The following CUX1 variants were observed in gnomAD, a reference collection of about 807,000 sequenced individuals.
CUX1 encodes the protein protein CASP.
CUX1 carries 31 observed loss-of-function variants against 158.8 expected under a neutral mutation model. The ratio of observed to expected loss-of-function variants is 0.20; its 90% CI spans 0.15 to 0.26. The LOEUF is 0.26. Among genes scored for constraint, CUX1 ranks in the 10% least tolerant of loss-of-function variants. CUX1 has a pLI of 1.00. For missense variants in CUX1, 1,589 were observed against 2,014.6 expected, an observed-to-expected ratio of 0.79 and a Z score of 4.04; for synonymous variants, 879 against 862.1, an observed-to-expected ratio of 1.02 and a Z score of -0.34.
chr7:101,834,770 G>A (rs1584700124), intron 1 of CUX1, among the ~76,000 whole-genome samples: 1 of 151,958 alleles, frequency 6.6e-6, no homozygotes, highest in Non-Finnish European at 1.5e-5. Flanking sequence ...ATGCTGAAGC[G>A]GGCAGACCAC....
chr7:102,088,314 A>G (rs544435886), intron 4 of CUX1, among the ~76,000 whole-genome samples: 12 of 152,234 alleles, frequency 7.9e-5, no homozygotes, highest in Admixed American at 2.0e-4. Context: ...ATTTTTAAAG[A>G]GTATTTTTTG....
chr7:102,092,463 G>A (rs1335494917), intron 4 of CUX1, among the ~76,000 whole-genome samples: 2 of 152,216 alleles, frequency 1.3e-5, no homozygotes, highest in African/African-American at 4.8e-5. Flanking sequence ...CACTCCCTGT[G>A]CCTCTCCTCT....
At chr7:102,016,582 A>C (rs1024080203) in intron 2 of CUX1, among the ~76,000 whole-genome samples, 2 of 152,254 alleles carry the variant, frequency 1.3e-5, no homozygotes, top group Admixed American at 6.5e-5. Flanking sequence ...CCTGCACTCC[A>C]GCCTGGACGA....
intron 2 of CUX1, among the ~76,000 whole-genome samples, chr7:101,926,089 G>A (rs1206328460): frequency 1.3e-5 from 2 of 152,172 alleles, no homozygotes; most frequent in African/African-American, 4.8e-5. Flanking sequence ...AGTATCTTGT[G>A]AATTTTCATT....
intron 14 of CUX1, among the ~76,000 whole-genome samples, chr7:102,267,482 C>T (rs1554545318): frequency 6.6e-6 from 1 of 151,936 alleles, no homozygotes; most frequent in East Asian, 1.9e-4. Flanking sequence ...TGCAGAGAGC[C>T]GAGATCATAC....
chr7:102,272,633 C>A (rs1429315536), intron 14 of CUX1, among the ~76,000 whole-genome samples: 1 of 152,258 alleles, frequency 6.6e-6, no homozygotes, highest in Admixed American at 6.5e-5. Flanking sequence ...CACTGAAGTC[C>A]TGCCTGGCAA....
At chr7:102,093,650 T>C (rs2130871754) in intron 4 of CUX1, among the ~76,000 whole-genome samples, 1 of 152,378 alleles carries the variant, frequency 6.6e-6, no homozygotes, top group African/African-American at 2.4e-5. Flanking sequence ...TAATATTGCG[T>C]GCACTTAGGA....
chr7:102,093,617 T>G (rs992037146), intron 4 of CUX1, among the ~76,000 whole-genome samples: 3 of 152,216 alleles, frequency 2.0e-5, no homozygotes, highest in Admixed American at 1.3e-4. Context: ...AGCCTCTGAC[T>G]GTAATGGCTG....
At chr7:101,917,936 A>T (rs555451628) in intron 2 of CUX1, among the ~76,000 whole-genome samples, 1 of 152,328 alleles carries the variant, frequency 6.6e-6, no homozygotes, top group South Asian at 2.1e-4. Flanking sequence ...GGAGTTCAAG[A>T]CCAGCCTGGG....
At position 102,258,060 on chromosome 7, in the gene CUX1, TG is replaced by T; in HGVS notation, c.*9020del. 1 of 985,350 alleles carries T rather than the reference TG, an allele frequency of 1.0e-6. No homozygotes were observed. The highest frequency in any genetic ancestry group is 5.2e-4 in the Middle Eastern group (1 of 1,916). The allele number at this position is 985,350 out of a possible 1,614,324, so 61.0% of individuals were successfully genotyped here. Reference sequence around the variant, plus strand: ...GTGGGGGAGGCACCCGTCGGCCCCTTGGTGTTGTCCCTCTGTCTTTGGTTAG... The same window carrying T: ...GTGGGGGAGGCACCCGTCGGCCCCTTGTGTTGTCCCTCTGTCTTTGGTTAG... On this transcript the variant is annotated 3_prime_UTR_variant, in exon 24 of 24. Transcript: ENST00000292535.
intron 2 of CUX1, among the ~76,000 whole-genome samples, chr7:101,980,951 A>G (rs1311602670): frequency 6.6e-6 from 1 of 152,106 alleles, no homozygotes; most frequent in Non-Finnish European, 1.5e-5. Flanking sequence ...CCCTTTAGCT[A>G]CCGAGTCACA....
chr7:102,019,636 C>A (rs1275307057), intron 2 of CUX1, among the ~76,000 whole-genome samples: 1 of 152,164 alleles, frequency 6.6e-6, no homozygotes, highest in South Asian at 2.1e-4. Flanking sequence ...ATGTTGAAAT[C>A]CTGCACCCTC....
chr7:102,049,322 A>G (rs547552535), intron 3 of CUX1, among the ~76,000 whole-genome samples: 2 of 152,332 alleles, frequency 1.3e-5, no homozygotes, highest in East Asian at 3.9e-4. Flanking sequence ...CTGCCATTTC[A>G]TCTGCACAGC....
At chr7:102,147,840 A>G (rs1286024235) in intron 8 of CUX1, among the ~76,000 whole-genome samples, 1 of 151,996 alleles carries the variant, frequency 6.6e-6, no homozygotes, top group Non-Finnish European at 1.5e-5. Flanking sequence ...CTACTAAAAA[A>G]ATAGAAAAAT....
intron 2 of CUX1, among the ~76,000 whole-genome samples, chr7:101,984,680 G>T (rs1200071710): frequency 6.6e-6 from 1 of 152,044 alleles, no homozygotes; most frequent in East Asian, 1.9e-4. Context: ...ATCAGCCTGG[G>T]AAAACTAGAT....
At position 101,853,584 on chromosome 7, in the gene CUX1, G is replaced by GGTGTGTGTGTGTGTGTGTGTGTGT. The variant is rs59324904; in HGVS notation, c.30+35930_30+35953dup. Among the ~76,000 whole-genome samples, 126 of 140,866 alleles carry GGTGTGTGTGTGTGTGTGTGTGTGT rather than the reference G, an allele frequency of 8.9e-4. 1 individual carries two copies. Among genetic ancestry groups the GGTGTGTGTGTGTGTGTGTGTGTGT allele is most frequent in the African/African-American group, 3.2e-3 (116 of 36,712 alleles). 92.4% of individuals were successfully genotyped at this position (140,866 alleles called of 152,430 possible). On this transcript the variant is annotated intron_variant, in intron 1 of 23. Coordinates refer to ENST00000292535, the MANE Select transcript of CUX1 (RefSeq NM_181552.4). ...TATATCAGAGCATGGCAATAGAAAG[G>GGTGTGTGTGTGTGTGTGTGTGTGT]GTGTGTGTGTGTGTGTGTGTGTGTG... is the stretch of plus-strand genomic sequence containing the variant.
chr7:102,162,424 G>T (rs1415880177), intron 9 of CUX1, among the ~76,000 whole-genome samples: 5 of 151,638 alleles, frequency 3.3e-5, no homozygotes, highest in African/African-American at 9.7e-5. Flanking sequence ...TGGGCATATG[G>T]CTCCCCATCC....
chr7:101,901,533 G>A (rs909349122), intron 1 of CUX1, among the ~76,000 whole-genome samples: 19 of 152,124 alleles, frequency 1.2e-4, no homozygotes, highest in African/African-American at 4.1e-4. Context: ...GACCTCAGGT[G>A]ATCCACCTGC....
intron 9 of CUX1, among the ~76,000 whole-genome samples, chr7:102,161,856 C>A (rs1235727881): frequency 6.6e-6 from 1 of 152,172 alleles, no homozygotes; most frequent in Non-Finnish European, 1.5e-5. Context: ...GATCTGCCCA[C>A]CTTGGCCTCC....
Sources: allele counts gnomAD v4.1 joint callset (sites outside exome capture counted in the v4.1 genomes callset), GRCh38; gene constraint gnomAD v4.1.1; transcripts MANE v1.5; gene names NCBI Gene and HGNC (gene_info 2026-07-23, HGNC 2026-07-21).